PDE2A: variants seen among roughly 807,000 people sequenced by gnomAD.
PDE2A encodes the protein phosphodiesterase 2A.
Under a neutral mutation model 133.6 loss-of-function variants are expected in PDE2A, and 53 were observed. That is an observed-to-expected ratio of 0.40 (90% CI 0.32 to 0.50). The LOEUF is 0.50. PDE2A is among the 20% of genes least tolerant of loss of function. PDE2A has a pLI of 0.73. For synonymous variants in PDE2A, 491 were observed against 490.2 expected (o/e 1.00, Z -0.02); for missense variants, 796 against 1,232.4 (o/e 0.65, Z 5.30).
intron 2 of PDE2A, among the ~76,000 whole-genome samples, chr11:72,629,518 C>T (rs1169851013): frequency 6.6e-6 from 1 of 152,228 alleles, no homozygotes; most frequent in Non-Finnish European, 1.5e-5. Context: ...TGGGGAATGC[C>T]ATGGCAGTAA....
At chr11:72,623,272 C>T (rs977503271) in intron 2 of PDE2A, among the ~76,000 whole-genome samples, 3 of 152,116 alleles carry the variant, frequency 2.0e-5, no homozygotes, top group African/African-American at 7.2e-5. Context: ...CATCCACACA[C>T]CGACCCTCCC....
chr11:72,661,718 T>TGGGGAACCACAGGC (rs1374961582), intron 1 of PDE2A, among the ~76,000 whole-genome samples: 9 of 152,202 alleles, frequency 5.9e-5, no homozygotes, highest in African/African-American at 2.2e-4. Context: ...GCTGCACAGG[T>TGGGGAACCACAGGC]GGGGAACCAC....
chr11:72,668,972 T>C, intron 1 of PDE2A: 1 of 1,003,504 alleles, frequency 1.0e-6, no homozygotes, highest in South Asian at 4.3e-5. Flanking sequence ...TCTGAAAGTG[T>C]GGCTGATCGT....
chr11:72,584,975 C>T (rs1351491175), intron 16 of PDE2A, 31 bp from the exon 17 acceptor site: 1 of 1,603,716 alleles, frequency 6.2e-7, no homozygotes, highest in Non-Finnish European at 8.5e-7. Context: ...TCCTCTGGGG[C>T]CTGACAACCC....
At chr11:72,622,292 T>TGGCA (rs888816819) in intron 2 of PDE2A, among the ~76,000 whole-genome samples, 38 of 152,224 alleles carry the variant, frequency 2.5e-4, no homozygotes, top group African/African-American at 8.7e-4. Flanking sequence ...GAAAACAGTA[T>TGGCA]GGCAGTTCCT....
chr11:72,630,304 G>A (rs2135414864), intron 2 of PDE2A, among the ~76,000 whole-genome samples: 1 of 152,262 alleles, frequency 6.6e-6, no homozygotes, highest in Middle Eastern at 3.4e-3. Context: ...TCACGTGATG[G>A]AGAAAACAGG....
chr11:72,607,491 C>G (rs888713031), intron 3 of PDE2A, among the ~76,000 whole-genome samples: 6 of 152,182 alleles, frequency 3.9e-5, no homozygotes, highest in African/African-American at 1.4e-4. Flanking sequence ...CGCCAACACA[C>G]CACCCACTTC....
chr11:72,623,465 T>C lies in PDE2A; in HGVS notation c.145-14714A>G, dbSNP rs556191245. Reference sequence around the variant, plus strand: ...CCACCTCTTCTGTTGCCAAGCTCCCTCTCTCCATTATCCCAGCCAGGTCCA... The same window carrying C: ...CCACCTCTTCTGTTGCCAAGCTCCCCCTCTCCATTATCCCAGCCAGGTCCA... On this transcript the variant is annotated intron_variant, in intron 2 of 30. Transcript: ENST00000334456. Among the ~76,000 whole-genome samples, 4 of 152,046 alleles carry C rather than the reference T, an allele frequency of 2.6e-5. No homozygotes were observed. In the Middle Eastern group the frequency reaches 0.01, roughly 388 times the overall value.
At chr11:72,603,474 A>T (rs2135346088) in intron 4 of PDE2A, among the ~76,000 whole-genome samples, 1 of 152,126 alleles carries the variant, frequency 6.6e-6, no homozygotes, top group East Asian at 1.9e-4. Context: ...AGTGAAGCAA[A>T]CCTGCAGGCT....
intron 1 of PDE2A, chr11:72,657,841 G>A (rs1048132534): frequency 2.2e-6 from 1 of 455,628 alleles, no homozygotes; most frequent in African/African-American, 2.0e-5. Context: ...CATCTGTTAT[G>A]TGCACCTACT....
Position 72,605,242 on chromosome 11 carries a change from C to A in PDE2A, c.235-16G>T. 6.4e-7 allele frequency: 1 copy of A among 1,562,584 alleles called. No homozygotes were observed. The highest frequency in any genetic ancestry group is 8.8e-7 in the Non-Finnish European group (1 of 1,140,378). The stretch of plus-strand genomic sequence containing the variant: ...AGACAGTTTCCTAGGACAGAAGGCA[C>A]TTATGAGACCCTGTGGAGAGGCCCT... On this transcript the variant is annotated splice_polypyrimidine_tract_variant and intron_variant, in intron 3 of 30. Transcript: ENST00000334456.
chr11:72,590,956 C>A lies in PDE2A; in HGVS notation c.549+341G>T, dbSNP rs1856221529. On this transcript the variant is annotated intron_variant, in intron 7 of 30. Transcript: ENST00000334456. The surrounding 1 kb of genome is among the most constrained non-coding windows in gnomAD (Gnocchi z 4.8). Reference sequence around the variant, plus strand: ...CCTCAGTATCATTATGTGGAGGGTTCTTTCTAAGTACAGATGCTCCTGGAC... The same window carrying A: ...CCTCAGTATCATTATGTGGAGGGTTATTTCTAAGTACAGATGCTCCTGGAC... The A allele has an allele frequency of 2.9e-6, 1 of 346,416 alleles. No individual in the cohort carries two copies. The highest frequency in any genetic ancestry group is 8.0e-5 in the South Asian group (1 of 12,578). The allele number at this position is 346,416 out of a possible 1,614,324, so 21.5% of individuals were successfully genotyped here.
chr11:72,662,545 G>A (rs1023372470), intron 1 of PDE2A, among the ~76,000 whole-genome samples: 1 of 152,152 alleles, frequency 6.6e-6, no homozygotes, highest in Non-Finnish European at 1.5e-5. Context: ...TTGTCTGAGG[G>A]GGTGGCTTAT....
chr11:72,664,994 C>T (rs527270087), intron 1 of PDE2A, among the ~76,000 whole-genome samples: 3 of 152,182 alleles, frequency 2.0e-5, no homozygotes, highest in South Asian at 2.1e-4. Flanking sequence ...TTAGTAAAGA[C>T]AGAGTTTCTC....
intron 1 of PDE2A, among the ~76,000 whole-genome samples, chr11:72,655,889 C>T (rs1854885772): frequency 1.3e-5 from 2 of 152,178 alleles, no homozygotes; most frequent in South Asian, 4.1e-4. Context: ...TCGGGCCCCC[C>T]AGAGTGGGGG....
At chr11:72,596,480 TCTCTCACA>T (rs1565159226) in intron 6 of PDE2A, 105 bp downstream of exon 6, 4 of 238,184 alleles carry the variant, frequency 1.7e-5, no homozygotes, top group East Asian at 8.9e-5. Flanking sequence ...TCTCTCTCTC[TCTCTCACA>T]CACACACACA....
intron 11 of PDE2A, among the ~76,000 whole-genome samples, chr11:72,589,532 G>C (rs982534998): frequency 1.3e-5 from 2 of 152,216 alleles, no homozygotes; most frequent in African/African-American, 4.8e-5. Context: ...ACAGGTCCCA[G>C]GTAAGCCTTT....
chr11:72,590,330 G>C lies in PDE2A; in HGVS notation c.704-86C>G. ...TCAGGCGCCGCTCAGCTCCGCGCCG[G>C]GCCCGCCGCCGGCTCCCGGGATCGC... On this transcript the variant is annotated intron_variant, in intron 8 of 30. Coordinates refer to ENST00000334456, the MANE Select transcript of PDE2A (RefSeq NM_002599.5). The surrounding 1 kb of genome is among the most constrained non-coding windows in gnomAD (Gnocchi z 4.8). The C allele has an allele frequency of 6.5e-7, 1 of 1,538,666 alleles. No individual in the cohort carries two copies. The highest frequency in any genetic ancestry group is 8.8e-7 in the Non-Finnish European group (1 of 1,136,588).
intron 2 of PDE2A, among the ~76,000 whole-genome samples, chr11:72,641,550 G>A (rs1476283978): frequency 6.6e-6 from 1 of 152,228 alleles, no homozygotes; most frequent in Non-Finnish European, 1.5e-5. Context: ...TACTTGAAGA[G>A]AAACCAGAGG....
Sources: allele counts gnomAD v4.1 joint callset (sites outside exome capture counted in the v4.1 genomes callset), GRCh38; gene constraint gnomAD v4.1.1; non-coding constraint Gnocchi (gnomAD v3.1); transcripts MANE v1.5; gene names NCBI Gene and HGNC (gene_info 2026-07-23, HGNC 2026-07-21).